Variants in BTBD9 observed in about 807,000 individuals in gnomAD.
BTBD9 encodes the protein BTB domain containing 9.
Under a neutral mutation model 64.3 loss-of-function variants are expected in BTBD9, and 49 were observed. The observed-to-expected ratio is 0.76, with a 90% CI of 0.61 to 0.97. BTBD9 has a LOEUF of 0.97. BTBD9 is among the 50% of genes least tolerant of loss of function. The pLI is 0.00. For synonymous variants in BTBD9, 260 were observed against 274.7 expected (o/e 0.95, Z 0.53); for missense variants, 598 against 762.1 (o/e 0.78, Z 2.53).
chr6:38,274,672 G>A (rs1052404982), intron 8 of BTBD9, among the ~76,000 whole-genome samples: 34 of 152,146 alleles, frequency 2.2e-4, no homozygotes, highest in Admixed American at 9.2e-4. Context: ...TTTATATGCT[G>A]GATTACATTT....
intron 8 of BTBD9, among the ~76,000 whole-genome samples, chr6:38,276,149 C>T (rs1033937801): frequency 6.6e-6 from 1 of 152,152 alleles, no homozygotes; most frequent in Non-Finnish European, 1.5e-5. Flanking sequence ...CACATATCCA[C>T]CATGGAAAAC....
intron 6 of BTBD9, among the ~76,000 whole-genome samples, chr6:38,368,713 T>C (rs941737408): frequency 2.0e-5 from 3 of 152,136 alleles, no homozygotes; most frequent in African/African-American, 7.2e-5. Context: ...GTCCAAAATA[T>C]GTACAAAATT....
intron 9 of BTBD9, among the ~76,000 whole-genome samples, chr6:38,210,025 GAT>G (rs1762776024): frequency 6.6e-6 from 1 of 152,172 alleles, no homozygotes; most frequent in Admixed American, 6.5e-5. Flanking sequence ...TACAGAAAGG[GAT>G]GTGTCCCAGG....
At chr6:38,183,221 C>T (rs1324850538) in intron 10 of BTBD9, among the ~76,000 whole-genome samples, 2 of 152,202 alleles carry the variant, frequency 1.3e-5, no homozygotes, top group Non-Finnish European at 2.9e-5. Context: ...TCGTGATCTG[C>T]CCGCCTCGGC....
intron 9 of BTBD9, among the ~76,000 whole-genome samples, chr6:38,233,252 AT>A (rs1763673484): frequency 6.6e-6 from 1 of 152,204 alleles, no homozygotes; most frequent in African/African-American, 2.4e-5. Context: ...TCCTAAATTC[AT>A]TCACTATTTT....
intron 1 of BTBD9, among the ~76,000 whole-genome samples, chr6:38,625,672 A>AAGAATCATAACT (rs1778140098): frequency 1.4e-4 from 21 of 152,220 alleles, no homozygotes; most frequent in Admixed American, 1.3e-3. Context: ...ATAGAGCTGA[A>AAGAATCATAACT]AAGAATTCAA....
At chr6:38,183,034 C>T (rs1193637503) in intron 10 of BTBD9, among the ~76,000 whole-genome samples, 2 of 150,474 alleles carry the variant, frequency 1.3e-5, no homozygotes, top group South Asian at 2.1e-4. Context: ...GGCTGGAGTG[C>T]AGTGGCACGA....
chr6:38,351,918 A>G (rs1764532403), intron 6 of BTBD9, among the ~76,000 whole-genome samples: 1 of 152,222 alleles, frequency 6.6e-6, no homozygotes, highest in African/African-American at 2.4e-5. Context: ...GTATGAAATT[A>G]TATTTTGAAT....
chr6:38,408,615 C>A (rs1457548452), intron 6 of BTBD9, among the ~76,000 whole-genome samples: 1 of 152,084 alleles, frequency 6.6e-6, no homozygotes, highest in Non-Finnish European at 1.5e-5. Context: ...GTTGGCTTAA[C>A]AAGAAAAATC....
chr6:38,253,866 G>A (rs545451984), intron 9 of BTBD9, among the ~76,000 whole-genome samples: 1 of 151,836 alleles, frequency 6.6e-6, no homozygotes, highest in East Asian at 1.9e-4. Context: ...AGGCAATATG[G>A]TATAGTGGCA....
At chr6:38,587,684 T>G (rs1776598365) in intron 4 of BTBD9, 1 of 623,990 alleles carries the variant, frequency 1.6e-6, no homozygotes, top group African/African-American at 1.8e-5. Context: ...GTGAATCACT[T>G]ATTGGATAGC....
chr6:38,548,829 A>C (rs1191231960), intron 6 of BTBD9, among the ~76,000 whole-genome samples: 2 of 152,224 alleles, frequency 1.3e-5, no homozygotes, highest in East Asian at 1.9e-4. Context: ...ATTCCTCTAA[A>C]GAGAGCAATG....
intron 7 of BTBD9, among the ~76,000 whole-genome samples, chr6:38,300,581 T>G (rs1022563204): frequency 2.6e-5 from 4 of 152,154 alleles, no homozygotes; most frequent in Non-Finnish European, 5.9e-5. Context: ...TCACATCCCT[T>G]GTAAGTTGGA....
At chr6:38,232,274 C>CTT (rs990677793) in intron 9 of BTBD9, among the ~76,000 whole-genome samples, 3 of 140,778 alleles carry the variant, frequency 2.1e-5, no homozygotes, top group Non-Finnish European at 3.1e-5. Flanking sequence ...TCTCTGTTTT[C>CTT]TTTTTTTTTT....
At chr6:38,251,557 G>A (rs1053775198) in intron 9 of BTBD9, among the ~76,000 whole-genome samples, 2 of 152,046 alleles carry the variant, frequency 1.3e-5, no homozygotes, top group Admixed American at 1.3e-4. Flanking sequence ...GAGCCATTGC[G>A]GCCAGGCTGC....
At position 38,566,265 on chromosome 6, in the gene BTBD9, A is replaced by G. The variant is rs16890816; in HGVS notation, c.1154+11335T>C. Among the ~76,000 whole-genome samples, 283 of 152,326 alleles carry G rather than the reference A, an allele frequency of 1.9e-3. 3 individuals carry two copies. The East Asian group carries it at 0.022, about 12-fold the overall frequency. The stretch of plus-strand genomic sequence containing the variant: ...AACAAAATTTCTGTAGTCAAATCAT[A>G]TTTTAAATGTATTAGAGGAACTGCT... On this transcript the variant is annotated intron_variant, in intron 6 of 10. Transcript: ENST00000481247.
At chr6:38,480,266 CAATG>C (rs1771076488) in intron 6 of BTBD9, among the ~76,000 whole-genome samples, 1 of 152,188 alleles carries the variant, frequency 6.6e-6, no homozygotes, top group Non-Finnish European at 1.5e-5. Context: ...ATACGGGGAG[CAATG>C]CACTTCCTTT....
At chr6:38,389,898 T>C (rs889277521) in intron 6 of BTBD9, among the ~76,000 whole-genome samples, 1 of 152,240 alleles carries the variant, frequency 6.6e-6, no homozygotes, top group African/African-American at 2.4e-5. Flanking sequence ...TTAATAAAAA[T>C]ACAGCTTTAT....
At chr6:38,243,014 G>GAACT (rs1475455600) in intron 9 of BTBD9, among the ~76,000 whole-genome samples, 1 of 151,764 alleles carries the variant, frequency 6.6e-6, no homozygotes, top group Non-Finnish European at 1.5e-5. Context: ...GATCAAGGAA[G>GAACT]AACTCATAGA....
Sources: gnomAD v4.1 joint callset for allele counts (sites outside exome capture counted in the v4.1 genomes callset) on GRCh38, gnomAD v4.1.1 for gene constraint, MANE v1.5 for transcripts, NCBI Gene and HGNC (gene_info 2026-07-23, HGNC 2026-07-21) for gene names.